Variants in PDE1C observed in about 807,000 individuals in gnomAD.
PDE1C encodes dual specificity calcium/calmodulin-dependent 3',5'-cyclic nucleotide phosphodiesterase 1C.
Under a neutral mutation model 93.1 loss-of-function variants are expected in PDE1C, and 62 were observed. That is an observed-to-expected ratio of 0.67 (90% CI 0.54 to 0.82). The LOEUF is 0.82. Ranked by LOEUF, PDE1C falls within the 40% of genes least tolerant of loss-of-function variation. PDE1C has a pLI of 0.00. For synonymous variants in PDE1C, 325 were observed against 310.1 expected, an observed-to-expected ratio of 1.05 and a Z score of -0.50; for missense variants, 742 against 884.6, an observed-to-expected ratio of 0.84 and a Z score of 2.04.
downstream of PDE1C, among the ~76,000 whole-genome samples, chr7:31,749,456 G>C (rs1462247296): frequency 6.6e-6 from 1 of 152,164 alleles, no homozygotes; most frequent in Non-Finnish European, 1.5e-5. Context: ...GTGTGACCCA[G>C]AGTCAATGCC....
intron 1 of PDE1C, among the ~76,000 whole-genome samples, chr7:32,402,252 A>C (rs1412891825): frequency 6.6e-6 from 1 of 152,118 alleles, no homozygotes; most frequent in African/African-American, 2.4e-5. Flanking sequence ...ATCACTAGAT[A>C]AAAAGAGATT....
At chr7:32,272,823 A>G (rs1002576527) in intron 1 of PDE1C, among the ~76,000 whole-genome samples, 3 of 152,238 alleles carry the variant, frequency 2.0e-5, no homozygotes, top group African/African-American at 2.4e-5. Flanking sequence ...GCCACCATTA[A>G]GCAATGAACT....
At chr7:31,684,635 T>G in the PDE1C span, among the ~76,000 whole-genome samples, 1 of 152,136 alleles carries the variant, frequency 6.6e-6, no homozygotes, top group African/African-American at 2.4e-5. Context: ...CCAGAGAAAC[T>G]ACGCAGATGA....
At chr7:31,955,024 T>A (rs575142744) in intron 2 of PDE1C, among the ~76,000 whole-genome samples, 1 of 152,208 alleles carries the variant, frequency 6.6e-6, no homozygotes, top group Non-Finnish European at 1.5e-5. Flanking sequence ...TGTGAATAAA[T>A]AACTTTTCGC....
At chr7:31,814,174 A>C (rs987098628) in intron 15 of PDE1C, among the ~76,000 whole-genome samples, 2 of 151,982 alleles carry the variant, frequency 1.3e-5, no homozygotes, top group African/African-American at 4.8e-5. Context: ...TGCAATAGTG[A>C]ATTGTGCTGC....
intron 2 of PDE1C, among the ~76,000 whole-genome samples, chr7:32,011,428 G>A (rs955648506): frequency 5.3e-5 from 8 of 151,996 alleles, no homozygotes; most frequent in African/African-American, 1.9e-4. Flanking sequence ...TCCTGACCTC[G>A]TGATCCACCC....
In PDE1C at chr7:31,833,519, TTGA is replaced by T. The variant is rs1790688377; in HGVS notation, c.1203+3658_1203+3660del. The stretch of plus-strand genomic sequence containing the variant: ...TTGTTGAATGTCTTTGAACAAAATG[TTGA>T]TAATATGGACAATGACATCCAGGCT... On this transcript the variant is annotated intron_variant, in intron 11 of 17. Coordinates refer to ENST00000396191, the MANE Select transcript of PDE1C (RefSeq NM_001191057.4). Among the ~76,000 whole-genome samples, 3 of 152,130 alleles carry T rather than the reference TTGA, an allele frequency of 2.0e-5. No individual in the cohort carries two copies. The South Asian group carries it at 6.2e-4, about 32-fold the overall frequency.
chr7:31,623,243 A>G, the PDE1C span, among the ~76,000 whole-genome samples: 9 of 152,106 alleles, frequency 5.9e-5, no homozygotes, highest in African/African-American at 1.9e-4. Flanking sequence ...AATCCTCCCT[A>G]ACTCATTTTC....
At chr7:32,204,421 G>C (rs1805262600) in intron 2 of PDE1C, among the ~76,000 whole-genome samples, 1 of 152,206 alleles carries the variant, frequency 6.6e-6, no homozygotes, top group Non-Finnish European at 1.5e-5. Context: ...AAAGCAACCA[G>C]AACTCCAGCA....
chr7:31,632,633 T>C, the PDE1C span, among the ~76,000 whole-genome samples: 41 of 152,244 alleles, frequency 2.7e-4, no homozygotes, highest in Non-Finnish European at 5.9e-5. Context: ...AACTTCTGAC[T>C]AAACTAACAC....
At chr7:32,361,118 G>T (rs573552838) in intron 1 of PDE1C, among the ~76,000 whole-genome samples, 1 of 152,094 alleles carries the variant, frequency 6.6e-6, no homozygotes, top group South Asian at 2.1e-4. Context: ...CTTCACACCC[G>T]AGGCCTCATT....
chr7:32,135,627 G>C (rs1429201581), intron 3 of PDE1C, among the ~76,000 whole-genome samples: 1 of 152,132 alleles, frequency 6.6e-6, no homozygotes, highest in East Asian at 1.9e-4. Context: ...GTTGGCAAGG[G>C]TGTGGAGAAA....
At chr7:31,772,511 TC>T (rs79444937) in intron 17 of PDE1C, among the ~76,000 whole-genome samples, 8,876 of 147,360 alleles carry the variant, frequency 0.06, 394 homozygotes, top group Admixed American at 0.15. Context: ...TCTCTCTCTC[TC>T]TTTTTTTTTT....
At chr7:31,801,358 G>A (rs1188591900) in intron 16 of PDE1C, among the ~76,000 whole-genome samples, 2 of 151,244 alleles carry the variant, frequency 1.3e-5, no homozygotes, top group Non-Finnish European at 3.0e-5. Context: ...ATTCTATCAT[G>A]GTCCATGAAC....
At chr7:32,058,695 T>C (rs1485575050) in intron 1 of PDE1C, among the ~76,000 whole-genome samples, 1 of 152,248 alleles carries the variant, frequency 6.6e-6, no homozygotes, top group African/African-American at 2.4e-5. Context: ...TTTGCAAAGC[T>C]ATCCATTGCT....
At chr7:31,699,624 C>T in the PDE1C span, among the ~76,000 whole-genome samples, 1 of 151,592 alleles carries the variant, frequency 6.6e-6, no homozygotes, top group African/African-American at 2.4e-5. Context: ...CTTTTTTGTG[C>T]TTTTCAGATA....
At chr7:32,171,880 A>C (rs1802677143) in intron 2 of PDE1C, among the ~76,000 whole-genome samples, 1 of 146,334 alleles carries the variant, frequency 6.8e-6, no homozygotes. Flanking sequence ...ATGATGACTA[A>C]ATGTAATGTG....
chr7:31,631,373 G>T, the PDE1C span, among the ~76,000 whole-genome samples: 1 of 152,014 alleles, frequency 6.6e-6, no homozygotes, highest in Non-Finnish European at 1.5e-5. Context: ...TGTGTATTAG[G>T]ATTATTATTT....
At chr7:32,142,155 T>C (rs1207413566) in intron 3 of PDE1C, among the ~76,000 whole-genome samples, 2 of 149,880 alleles carry the variant, frequency 1.3e-5, no homozygotes, top group Non-Finnish European at 3.0e-5. Context: ...GAGAAAGTGA[T>C]AGATAAGGAA....
Sources: allele counts gnomAD v4.1 joint callset (sites outside exome capture counted in the v4.1 genomes callset), GRCh38; gene constraint gnomAD v4.1.1; transcripts MANE v1.5; gene names NCBI Gene and HGNC (gene_info 2026-07-23, HGNC 2026-07-21).